NEK1: variants seen among roughly 807,000 people sequenced by gnomAD.
The protein encoded by NEK1 is NIMA related kinase 1.
NEK1 carries 137 observed loss-of-function variants against 182.1 expected under a neutral mutation model. The observed-to-expected ratio is 0.75, with a 90% confidence interval of 0.65 to 0.87. The LOEUF (loss-of-function observed/expected upper bound fraction) is 0.87. Ranked by LOEUF, NEK1 falls within the 40% of genes least tolerant of loss-of-function variation. The pLI is 0.00. For synonymous variants in NEK1, 513 were observed against 492.2 expected (o/e 1.04, Z -0.56); for missense variants, 1,391 against 1,494.4 (o/e 0.93, Z 1.14).
chr4:169,523,125 G>A (rs1756358979), intron 19 of NEK1, among the ~76,000 whole-genome samples: 1 of 152,084 alleles, frequency 6.6e-6, no homozygotes, highest in South Asian at 2.1e-4. Context: ...TTTGGACCTG[G>A]GCAGAAACTA....
intron 4 of NEK1, 36 bp downstream of exon 4, chr4:169,601,972 T>TA (rs1464860248): frequency 7.0e-7 from 1 of 1,424,422 alleles, no homozygotes; most frequent in East Asian, 2.3e-5. Flanking sequence ...ATTAATGTCT[T>TA]AGGATTTTTT....
chr4:169,476,327 A>G (rs970795261), intron 26 of NEK1, among the ~76,000 whole-genome samples: 5 of 152,128 alleles, frequency 3.3e-5, no homozygotes, highest in African/African-American at 1.2e-4. Context: ...TTCCTAGCAC[A>G]GTATTTATCA....
chr4:169,528,588 T>C (rs1757231434), intron 19 of NEK1, among the ~76,000 whole-genome samples: 1 of 152,046 alleles, frequency 6.6e-6, no homozygotes, highest in Admixed American at 6.6e-5. Flanking sequence ...ACAGAAACTG[T>C]GAGATAAACT....
chr4:169,604,795 G>C (rs888313786), intron 2 of NEK1, among the ~76,000 whole-genome samples: 1 of 152,180 alleles, frequency 6.6e-6, no homozygotes, highest in Non-Finnish European at 1.5e-5. Flanking sequence ...TTGTGAGAAA[G>C]AGCCTTTCTC....
At chr4:169,508,165 T>C (rs1180133505) in intron 21 of NEK1, 83 bp downstream of exon 21, 3 of 1,200,712 alleles carry the variant, frequency 2.5e-6, no homozygotes, top group Admixed American at 2.9e-5. Context: ...GTTGTTGTCG[T>C]TGTTGTTAAT....
At position 169,421,646 on chromosome 4, in the gene NEK1, C is replaced by T. The variant is rs565430165; in HGVS notation, c.3222+2907G>A. On this transcript the variant is annotated intron_variant, in intron 31 of 35. Transcript: ENST00000507142. ...TCTCCTGCTGCCATGTAAGATATGC[C>T]TTGCTTCCCCTTCACCTTCTAGGAC... Among the ~76,000 whole-genome samples the T allele has an allele frequency of 3.7e-4, 56 of 152,266 alleles. 1 individual carries two copies. In the South Asian group the frequency reaches 8.1e-3, roughly 22 times the overall value.
intron 5 of NEK1, among the ~76,000 whole-genome samples, chr4:169,594,495 A>G (rs1446722610): frequency 6.6e-6 from 1 of 152,250 alleles, no homozygotes; most frequent in Non-Finnish European, 1.5e-5. Context: ...CAAAGAGTAG[A>G]TATTTCATGT....
chr4:169,406,171 G>T (rs1192193197), intron 32 of NEK1, among the ~76,000 whole-genome samples: 1 of 115,574 alleles, frequency 8.7e-6, no homozygotes, highest in Non-Finnish European at 1.9e-5. Context: ...CATTCCTCCT[G>T]CCTTGGCCTC....
At chr4:169,395,283 G>T (rs546523374) in intron 35 of NEK1, among the ~76,000 whole-genome samples, 4 of 152,220 alleles carry the variant, frequency 2.6e-5, no homozygotes, top group African/African-American at 9.6e-5. Flanking sequence ...GCCTCAAAAT[G>T]GAATCCACGC....
chr4:169,477,377 T>A, intron 25 of NEK1, 25 bp from the exon 26 acceptor site: 1 of 1,549,494 alleles, frequency 6.5e-7, no homozygotes, highest in Non-Finnish European at 8.8e-7. Flanking sequence ...ATTATATATT[T>A]TAATATGTAT....
At chr4:169,548,337 A>G (rs1760869755) in intron 18 of NEK1, among the ~76,000 whole-genome samples, 1 of 152,190 alleles carries the variant, frequency 6.6e-6, no homozygotes, top group Admixed American at 6.5e-5. Context: ...TTCCTCTGGA[A>G]GCTTCGTCCC....
chr4:169,583,146 T>C (rs1328309143), intron 10 of NEK1, among the ~76,000 whole-genome samples: 6 of 151,514 alleles, frequency 4.0e-5, no homozygotes, highest in Non-Finnish European at 8.8e-5. Flanking sequence ...TAAAAAAAGG[T>C]ATCACAACTA....
rs1172364946 is a variant in NEK1, at chr4:169,466,003, G to GA, written c.2435-2609dup. On this transcript the variant is annotated intron_variant, in intron 26 of 35. Coordinates refer to ENST00000507142, the MANE Select transcript of NEK1 (RefSeq NM_001199397.3). ...CAGAATATTAACTATAAAAAAGGAA[G>GA]AAAAAAATCAATGAATCCAATCCAA... is the stretch of plus-strand genomic sequence containing the variant. Among the ~76,000 whole-genome samples the GA allele has an allele frequency of 2.3e-3, 352 of 152,002 alleles. 6 individuals carry two copies. Among genetic ancestry groups the GA allele is most frequent in the East Asian group, 5.8e-4 (3 of 5,178 alleles).
intron 31 of NEK1, among the ~76,000 whole-genome samples, chr4:169,412,452 C>G (rs6814498): frequency 0.81 from 123,857 of 152,114 alleles, 51,373 homozygotes; most frequent in South Asian, 0.92. Context: ...CTGATGAATT[C>G]TCCCTAACAG....
intron 23 of NEK1, among the ~76,000 whole-genome samples, chr4:169,487,751 A>G (rs767220575): frequency 2.8e-4 from 43 of 152,186 alleles, no homozygotes; most frequent in Non-Finnish European, 4.4e-5. Flanking sequence ...TGTCTTCCAA[A>G]ATGGCTAAAC....
At chr4:169,579,839 C>T (rs1447267254) in intron 11 of NEK1, among the ~76,000 whole-genome samples, 2 of 151,316 alleles carry the variant, frequency 1.3e-5, no homozygotes, top group African/African-American at 4.9e-5. Flanking sequence ...TGAGAACGCA[C>T]TGTCATACCA....
At chr4:169,525,886 C>A (rs1756823242) in intron 19 of NEK1, among the ~76,000 whole-genome samples, 2 of 152,132 alleles carry the variant, frequency 1.3e-5, no homozygotes, top group Admixed American at 6.5e-5. Context: ...GGGTTTGCAC[C>A]CTGTTTCTGG....
rs1749360866 is a variant in NEK1, at chr4:169,488,039, ATTTG to A, written c.2008-8509_2008-8506del. ...GGACATTTTTGTTTTTTTCTTGTAAATTTGTTTAAGTTCCTTGTAGACTCTGGAT... is the reference window on the plus strand; with the variant it reads ...GGACATTTTTGTTTTTTTCTTGTAAATTTAAGTTCCTTGTAGACTCTGGAT... On this transcript the variant is annotated intron_variant, in intron 23 of 35. Coordinates refer to ENST00000507142, the MANE Select transcript of NEK1 (RefSeq NM_001199397.3). Among the ~76,000 whole-genome samples, 7 of 151,748 alleles carry A rather than the reference ATTTG, an allele frequency of 4.6e-5. No homozygotes were observed. The South Asian group carries it at 1.5e-3, about 32-fold the overall frequency.
chr4:169,477,345 C>T lies in NEK1; in HGVS notation c.2213G>A (p.Arg738Gln), dbSNP rs561203378. Reference protein sequence around the residue: ...QKTNNAISSKREILRRLNENL... With the variant: ...QKTNNAISSKQEILRRLNENL... ...TTCATTTAATCTACGAAGTATTTCTCGCTTACTCTGAAAGTCACGACATTA... is the reference window on the plus strand; with the variant it reads ...TTCATTTAATCTACGAAGTATTTCTTGCTTACTCTGAAAGTCACGACATTA... The change falls in exon 26 of 36, where the codon CGA becomes CAA. Residue 738 changes from arginine to glutamine, a missense_variant. Physicochemically the swap from Arg to Gln is conservative, Grantham distance 43. Around this residue, in one of 5 missense-constraint regions of NEK1, gnomAD observed 1,216 missense variants for 1,277.6 expected, o/e 0.95. Transcript: ENST00000507142. The T allele has an allele frequency of 1.0e-5, 16 of 1,569,572 alleles. No individual in the cohort carries two copies. The highest frequency in any genetic ancestry group is 5.5e-5 in the Admixed American group (3 of 54,276).
Sources: gnomAD v4.1 joint callset for allele counts (sites outside exome capture counted in the v4.1 genomes callset) on GRCh38, gnomAD v4.1.1 for gene constraint, gnomAD v4.1.1 regional missense constraint, MANE v1.5 for transcripts, NCBI Gene and HGNC (gene_info 2026-07-23, HGNC 2026-07-21) for gene names.